The following HTR1F variants were observed in gnomAD, a reference collection of about 807,000 sequenced individuals.
HTR1F encodes the protein 5-hydroxytryptamine receptor 1F.
A neutral mutation model predicts 24.0 loss-of-function variants in HTR1F; 17 were observed. The observed-to-expected ratio is 0.71, with a 90% confidence interval of 0.48 to 1.06. HTR1F has a LOEUF of 1.06. Ranked by LOEUF, HTR1F falls within the 50% of genes least tolerant of loss-of-function variation. The pLI, the probability that HTR1F is intolerant of heterozygous loss-of-function variation, is 0.00. For synonymous variants in HTR1F, 186 were observed against 156.8 expected, an observed-to-expected ratio of 1.19 and a Z score of -1.39; for missense variants, 391 against 427.8, an observed-to-expected ratio of 0.91 and a Z score of 0.76.
chr3:87,929,302 C>A (rs1374594287), intron 2 of HTR1F, among the ~76,000 whole-genome samples: 1 of 152,116 alleles, frequency 6.6e-6, no homozygotes, highest in Non-Finnish European at 1.5e-5. Context: ...CAGGGCAGAG[C>A]CTCTTTCCGT....
chr3:87,916,879 C>G (rs1021659893), intron 2 of HTR1F, among the ~76,000 whole-genome samples: 2 of 152,106 alleles, frequency 1.3e-5, no homozygotes, highest in Non-Finnish European at 2.9e-5. Context: ...CAGCTATATG[C>G]AGAGCATTCC....
Position 87,850,657 on chromosome 3 carries a change from C to T in HTR1F, c.-43+28533C>T, listed in dbSNP as rs182592057. Among the ~76,000 whole-genome samples the T allele has an allele frequency of 2.1e-3, 322 of 150,968 alleles. 4 individuals carry two copies. Among genetic ancestry groups the T allele is most frequent in the African/African-American group, 7.5e-3 (309 of 41,040 alleles). On this transcript the variant is annotated intron_variant, in intron 2 of 2. Transcript: ENST00000319595. ...AGCAAATTAAAAATTATGATATATT[C>T]AAAAATTAAGTATGTCAATAGAAAT...
chr3:87,975,176 CTT>C (rs1300913522), intron 2 of HTR1F, among the ~76,000 whole-genome samples: 1 of 151,980 alleles, frequency 6.6e-6, no homozygotes, highest in Non-Finnish European at 1.5e-5. Flanking sequence ...ATCAGAGTAA[CTT>C]AATCAGAGTA....
intron 1 of HTR1F, among the ~76,000 whole-genome samples, chr3:87,812,290 T>C (rs778693213): frequency 3.9e-5 from 6 of 152,148 alleles, no homozygotes; most frequent in Non-Finnish European, 8.8e-5. Context: ...TATTTAATGG[T>C]TTTGACCAAC....
intron 2 of HTR1F, among the ~76,000 whole-genome samples, chr3:87,871,437 A>G (rs1020876831): frequency 6.6e-6 from 1 of 152,072 alleles, no homozygotes; most frequent in Non-Finnish European, 1.5e-5. Flanking sequence ...GAAAATATAT[A>G]CATTACAGAA....
chr3:87,823,445 T>C (rs1332299932), intron 2 of HTR1F, among the ~76,000 whole-genome samples: 1 of 152,140 alleles, frequency 6.6e-6, no homozygotes, highest in Non-Finnish European at 1.5e-5. Flanking sequence ...TGGAACACTT[T>C]AGGAATACAT....
At chr3:87,972,491 C>T (rs926278616) in intron 2 of HTR1F, among the ~76,000 whole-genome samples, 2 of 152,194 alleles carry the variant, frequency 1.3e-5, no homozygotes, top group Non-Finnish European at 2.9e-5. Flanking sequence ...TGTGATTAAT[C>T]ATCTATGTAT....
At chr3:87,885,770 C>T (rs1294966586) in intron 2 of HTR1F, among the ~76,000 whole-genome samples, 1 of 152,130 alleles carries the variant, frequency 6.6e-6, no homozygotes, top group Non-Finnish European at 1.5e-5. Context: ...GACACATACA[C>T]CCTCCCAAGA....
chr3:87,926,759 C>T (rs1366962327), intron 2 of HTR1F, among the ~76,000 whole-genome samples: 1 of 151,978 alleles, frequency 6.6e-6, no homozygotes, highest in Non-Finnish European at 1.5e-5. Context: ...GTTCATATTA[C>T]TAAATTTTAT....
chr3:87,860,365 G>T (rs1474569960), intron 2 of HTR1F, among the ~76,000 whole-genome samples: 3 of 152,102 alleles, frequency 2.0e-5, no homozygotes, highest in Admixed American at 6.6e-5. Flanking sequence ...GCTATTTGAG[G>T]CATAACATAC....
At chr3:87,937,980 G>C (rs533022846) in intron 2 of HTR1F, among the ~76,000 whole-genome samples, 1 of 151,622 alleles carries the variant, frequency 6.6e-6, no homozygotes, top group Non-Finnish European at 1.5e-5. Flanking sequence ...CATCAAATAG[G>C]AAGAGAGGAA....
chr3:87,877,650 A>C (rs1480168303), intron 2 of HTR1F, among the ~76,000 whole-genome samples: 7 of 152,276 alleles, frequency 4.6e-5, no homozygotes, highest in East Asian at 1.9e-4. Context: ...GATCTAAGTG[A>C]TATCCAAGAT....
At chr3:87,896,502 GGC>G (rs1706202068) in intron 2 of HTR1F, among the ~76,000 whole-genome samples, 1 of 152,112 alleles carries the variant, frequency 6.6e-6, no homozygotes, top group African/African-American at 2.4e-5. Flanking sequence ...CTATCTAACT[GGC>G]CTTGGCAGTG....
chr3:87,876,684 A>G (rs1192474758), intron 2 of HTR1F, among the ~76,000 whole-genome samples: 1 of 152,192 alleles, frequency 6.6e-6, no homozygotes, highest in Non-Finnish European at 1.5e-5. Flanking sequence ...GACCAGGGAA[A>G]GGGGTAAGAT....
intron 2 of HTR1F, among the ~76,000 whole-genome samples, chr3:87,840,549 C>CAAT (rs1057153800): frequency 2.0e-5 from 3 of 151,736 alleles, no homozygotes; most frequent in Non-Finnish European, 1.5e-5. Context: ...AAGCTTCCCA[C>CAAT]AATAATAATA....
At chr3:87,858,547 C>T (rs1228142997) in intron 2 of HTR1F, among the ~76,000 whole-genome samples, 3 of 152,034 alleles carry the variant, frequency 2.0e-5, no homozygotes, top group Admixed American at 2.0e-4. Flanking sequence ...AGAATCAGTA[C>T]CTATATTTTG....
chr3:87,831,213 C>T (rs1321454579), intron 2 of HTR1F, among the ~76,000 whole-genome samples: 1 of 151,548 alleles, frequency 6.6e-6, no homozygotes, highest in East Asian at 1.9e-4. Context: ...CATCATGCTC[C>T]AATGAAGTAA....
At chr3:87,937,011 A>C (rs1322098116) in intron 2 of HTR1F, among the ~76,000 whole-genome samples, 1 of 150,232 alleles carries the variant, frequency 6.7e-6, no homozygotes, top group Non-Finnish European at 1.5e-5. Flanking sequence ...AAATCCCAGA[A>C]CCGGATAGAT....
chr3:87,808,103 T>G (rs1390196946), intron 1 of HTR1F, among the ~76,000 whole-genome samples: 2 of 151,868 alleles, frequency 1.3e-5, no homozygotes, highest in Non-Finnish European at 2.9e-5. Flanking sequence ...CCTTGTCTGG[T>G]TTTGGTATCA....
Sources: allele counts gnomAD v4.1 joint callset (sites outside exome capture counted in the v4.1 genomes callset), GRCh38; gene constraint gnomAD v4.1.1; transcripts MANE v1.5; gene names NCBI Gene and HGNC (gene_info 2026-07-23, HGNC 2026-07-21).